Variants in DNAJC6 observed in about 807,000 individuals in gnomAD.
DNAJC6 encodes DnaJ heat shock protein family (Hsp40) member C6, also known as auxilin.
A neutral mutation model predicts 110.0 loss-of-function variants in DNAJC6; 34 were observed. That is an observed-to-expected ratio of 0.31 (90% CI 0.24 to 0.41). DNAJC6 has a LOEUF of 0.41. Among genes scored for constraint, DNAJC6 ranks in the 10% least tolerant of loss-of-function variants. DNAJC6 has a pLI of 1.00. For missense variants in DNAJC6, 1,031 were observed against 1,207.8 expected (o/e 0.85, Z 2.17); for synonymous variants, 406 against 437.2 (o/e 0.93, Z 0.89).
At chr1:65,309,998 T>C in intron 1 of DNAJC6, 60 bp downstream of exon 1, 1 of 1,376,358 alleles carries the variant, frequency 7.3e-7, no homozygotes, top group Non-Finnish European at 9.4e-7. Context: ...AGCCTCCCAG[T>C]CGCCCGGCCC....
At chr1:65,317,873 C>T (rs998161940) in intron 1 of DNAJC6, among the ~76,000 whole-genome samples, 3 of 152,118 alleles carry the variant, frequency 2.0e-5, no homozygotes, top group African/African-American at 7.2e-5. Flanking sequence ...TAAAGAAGGC[C>T]ACAGTGGAAG....
intron 1 of DNAJC6, among the ~76,000 whole-genome samples, chr1:65,289,275 A>G (rs956666322): frequency 6.6e-6 from 1 of 152,128 alleles, no homozygotes; most frequent in African/African-American, 2.4e-5. Flanking sequence ...GGCTCACTGC[A>G]ACCTCCACTT....
chr1:65,377,287 A>G (rs1645776012), intron 4 of DNAJC6, among the ~76,000 whole-genome samples: 1 of 152,238 alleles, frequency 6.6e-6, no homozygotes, highest in South Asian at 2.1e-4. Context: ...GCTTGTACAA[A>G]TGTACATTTT....
intron 16 of DNAJC6, among the ~76,000 whole-genome samples, chr1:65,408,414 C>G (rs993836807): frequency 6.6e-6 from 1 of 152,132 alleles, no homozygotes; most frequent in Admixed American, 6.5e-5. Flanking sequence ...CATGATCCAG[C>G]CTCCAGTTTT....
At position 65,392,420 on chromosome 1, in the gene DNAJC6, G is replaced by A; in HGVS notation, c.1469-11G>A. ...GCAACTAATCTCTTATGGTATACTG[G>A]CCTTCCTCAGATCAGAAATCGGAGA... On this transcript the variant is annotated splice_polypyrimidine_tract_variant and intron_variant, in intron 11 of 18. Transcript: ENST00000371069. 1 of 1,579,906 alleles carries A rather than the reference G, an allele frequency of 6.3e-7. No homozygotes were observed. Among genetic ancestry groups the A allele is most frequent in the Non-Finnish European group, 8.6e-7 (1 of 1,162,480 alleles).
intron 1 of DNAJC6, among the ~76,000 whole-genome samples, chr1:65,269,735 G>C (rs1437435493): frequency 6.6e-6 from 1 of 152,164 alleles, no homozygotes; most frequent in Non-Finnish European, 1.5e-5. Flanking sequence ...ATGTGGTTAA[G>C]CTGGGATTAG....
In DNAJC6 at chr1:65,292,732, G is replaced by A. The variant is rs568687214; in HGVS notation, c.-131+27800G>A. On this transcript the variant is annotated intron_variant, in intron 1 of 19. Coordinates refer to the DNAJC6 transcript ENST00000263441. ...ATATAGGTGTGAGCCATTAGACCCA[G>A]CCAGTTTTTTTATTTTTTATTTTTA... Among the ~76,000 whole-genome samples, 775 of 152,208 alleles carry A rather than the reference G, an allele frequency of 5.1e-3. 6 individuals are homozygous for A. Among genetic ancestry groups the A allele is most frequent in the African/African-American group, 0.018 (739 of 41,530 alleles).
At chr1:65,360,649 G>C (rs1256494771) in intron 1 of DNAJC6, among the ~76,000 whole-genome samples, 1 of 152,166 alleles carries the variant, frequency 6.6e-6, no homozygotes, top group Non-Finnish European at 1.5e-5. Context: ...ACATGGTGGG[G>C]TGTGTTTACA....
intron 1 of DNAJC6, among the ~76,000 whole-genome samples, chr1:65,341,191 C>G (rs1441005487): frequency 6.6e-6 from 1 of 152,154 alleles, no homozygotes; most frequent in Admixed American, 6.6e-5. Context: ...ATGTGAAGAC[C>G]GATACCAGAC....
intron 1 of DNAJC6, among the ~76,000 whole-genome samples, chr1:65,276,040 C>G (rs1653659769): frequency 6.6e-6 from 1 of 151,962 alleles, no homozygotes; most frequent in Admixed American, 6.6e-5. Flanking sequence ...TACCACTATG[C>G]CTGGCTAATT....
At chr1:65,332,540 C>G (rs1221944083) in intron 1 of DNAJC6, among the ~76,000 whole-genome samples, 4 of 152,142 alleles carry the variant, frequency 2.6e-5, no homozygotes, top group African/African-American at 7.2e-5. Flanking sequence ...CAATGACTCC[C>G]CTCCCCTGAA....
At chr1:65,328,582 A>T (rs1645260895) in intron 1 of DNAJC6, among the ~76,000 whole-genome samples, 1 of 152,236 alleles carries the variant, frequency 6.6e-6, no homozygotes. Context: ...TGGGTTCCTG[A>T]ATCACAGTCA....
At chr1:65,363,194 C>A (rs1287301263) in intron 1 of DNAJC6, among the ~76,000 whole-genome samples, 1 of 152,178 alleles carries the variant, frequency 6.6e-6, no homozygotes, top group Non-Finnish European at 1.5e-5. Context: ...AGGTTCCTCC[C>A]CTGACCCGTG....
chr1:65,313,871 C>G (rs1645125130), intron 1 of DNAJC6, among the ~76,000 whole-genome samples: 1 of 152,170 alleles, frequency 6.6e-6, no homozygotes, highest in South Asian at 2.1e-4. Context: ...GTCATCCTGT[C>G]ATATCTCAAA....
At chr1:65,264,763 A>C in exon 1 of DNAJC6, 1 of 1,466,902 alleles carries the variant, frequency 6.8e-7, no homozygotes, top group South Asian at 1.4e-5. Flanking sequence ...CCGCACACCG[A>C]CTTGCATGCA....
At chr1:65,272,262 G>A (rs1446974930) in intron 1 of DNAJC6, among the ~76,000 whole-genome samples, 1 of 152,176 alleles carries the variant, frequency 6.6e-6, no homozygotes, top group Non-Finnish European at 1.5e-5. Context: ...TTTTTATCAT[G>A]AATCAGTTCT....
chr1:65,385,689 A>G, intron 6 of DNAJC6, 23 bp from the exon 7 acceptor site: 3 of 1,542,492 alleles, frequency 1.9e-6, no homozygotes, highest in Non-Finnish European at 2.6e-6. Context: ...GGGCCCCAAG[A>G]GAGTGCCAAC....
chr1:65,279,000 CAG>C (rs1247093144), intron 1 of DNAJC6: 1 of 985,300 alleles, frequency 1.0e-6, no homozygotes, highest in East Asian at 1.1e-4. Flanking sequence ...AGTTTAAAAA[CAG>C]ACACTTTTAT....
intron 14 of DNAJC6, among the ~76,000 whole-genome samples, chr1:65,401,138 A>G (rs1012213819): frequency 1.3e-5 from 2 of 151,960 alleles, no homozygotes; most frequent in Middle Eastern, 3.4e-3. Context: ...ATTCATCTGT[A>G]TGTTTTCTTC....
Sources: gnomAD v4.1 joint callset for allele counts (sites outside exome capture counted in the v4.1 genomes callset) on GRCh38, gnomAD v4.1.1 for gene constraint, MANE v1.5 for transcripts, NCBI Gene and HGNC (gene_info 2026-07-23, HGNC 2026-07-21) for gene names.